CTNNA2: variants seen among roughly 807,000 people sequenced by gnomAD.
The protein encoded by CTNNA2 is catenin alpha-2.
Under a neutral mutation model 101.0 loss-of-function variants are expected in CTNNA2, and 42 were observed. The observed-to-expected ratio is 0.42, with a 90% CI of 0.32 to 0.54. The LOEUF (loss-of-function observed/expected upper bound fraction) is 0.54. Among genes scored for constraint, CTNNA2 ranks in the 20% least tolerant of loss-of-function variants. The pLI is 0.14. For missense variants in CTNNA2, 871 were observed against 1,223.1 expected, an observed-to-expected ratio of 0.71 and a Z score of 4.29; for synonymous variants, 450 against 456.4, an observed-to-expected ratio of 0.99 and a Z score of 0.18.
intron 3 of CTNNA2, among the ~76,000 whole-genome samples, chr2:79,848,732 T>A (rs1434115): frequency 0.076 from 11,520 of 152,230 alleles, 878 homozygotes; most frequent in African/African-American, 0.18. Context: ...ATAGGGCAAA[T>A]ATTACATTGG....
chr2:80,534,723 G>T (rs771657125), intron 9 of CTNNA2, among the ~76,000 whole-genome samples: 2 of 152,130 alleles, frequency 1.3e-5, no homozygotes, highest in Non-Finnish European at 2.9e-5. Context: ...ATGCAATGCT[G>T]GTAGCACTGG....
intron 2 of CTNNA2, among the ~76,000 whole-genome samples, chr2:79,210,245 A>G (rs1001720634): frequency 2.6e-5 from 4 of 152,198 alleles, no homozygotes; most frequent in African/African-American, 9.7e-5. Context: ...ATTTGCAAAT[A>G]GTAAGAGACT....
chr2:79,193,090 A>G lies in CTNNA2; in HGVS notation c.-523-4869A>G, dbSNP rs144856417. ...TTAGTACTGCTTTGTATAAGTTTAC[A>G]CTATATGTAAATATTATATATTCTT... On this transcript the variant is annotated intron_variant, in intron 1 of 21. Coordinates refer to the CTNNA2 transcript ENST00000466387. Among the ~76,000 whole-genome samples, 205 of 152,270 alleles carry G rather than the reference A, an allele frequency of 1.3e-3. 4 individuals carry two copies. The East Asian group carries it at 0.039, about 29-fold the overall frequency.
chr2:79,687,768 T>G, intron 2 of CTNNA2: 1 of 479,492 alleles, frequency 2.1e-6, no homozygotes, highest in Non-Finnish European at 3.7e-6. Context: ...GAAAATTAAC[T>G]GAAGATGTTC....
Position 80,142,921 on chromosome 2 carries a change from C to T in CTNNA2, c.1056+233124C>T, listed in dbSNP as rs562723672. Among the ~76,000 whole-genome samples, 24 of 150,302 alleles carry T rather than the reference C, an allele frequency of 1.6e-4. No individual in the cohort carries two copies. The South Asian group carries it at 1.7e-3, about 10-fold the overall frequency. On this transcript the variant is annotated intron_variant, in intron 7 of 18. Coordinates refer to ENST00000402739, the MANE Select transcript of CTNNA2 (RefSeq NM_001282597.3). The stretch of plus-strand genomic sequence containing the variant: ...CAAGATTAACTACCGTTGACAATGC[C>T]TCATAATGATAAGTGGAAAAGAGAG...
intron 1 of CTNNA2, among the ~76,000 whole-genome samples, chr2:79,537,774 CAT>C (rs1673160976): frequency 1.4e-5 from 2 of 144,730 alleles, no homozygotes; most frequent in Admixed American, 7.1e-5. Context: ...TTGTTTAGCA[CAT>C]GTTTCTTGAA....
chr2:80,274,462 A>G (rs1294791265), intron 7 of CTNNA2, among the ~76,000 whole-genome samples: 4 of 152,208 alleles, frequency 2.6e-5, no homozygotes, highest in African/African-American at 4.8e-5. Context: ...TACACAGTGT[A>G]TTATGACAAC....
intron 4 of CTNNA2, among the ~76,000 whole-genome samples, chr2:79,488,318 CAAAA>C (rs61641596): frequency 3.0e-5 from 3 of 99,874 alleles, no homozygotes; most frequent in East Asian, 3.9e-4. Context: ...AACTCCATCT[CAAAA>C]AAAAAAAAAA....
chr2:80,001,653 G>A (rs969107904), intron 7 of CTNNA2, among the ~76,000 whole-genome samples: 2 of 152,134 alleles, frequency 1.3e-5, no homozygotes, highest in African/African-American at 2.4e-5. Flanking sequence ...TGCAAAGGGA[G>A]AGAGAAGAAC....
Position 80,302,010 on chromosome 2 carries a change from GAAATTT to G in CTNNA2, c.1057-91198_1057-91193del. 1 of 437,834 alleles carries G rather than the reference GAAATTT, an allele frequency of 2.3e-6. No individual in the cohort carries two copies. Among genetic ancestry groups the G allele is most frequent in the East Asian group, 3.6e-5 (1 of 27,440 alleles). The allele number at this position is 437,834 out of a possible 1,614,324, so 27.1% of individuals were successfully genotyped here. The stretch of plus-strand genomic sequence containing the variant: ...CAAAGGGAGGAAGGAGTTCTCATAT[GAAATTT>G]AAGATAGACTGTCCTGAAGGTTGTG... On this transcript the variant is annotated intron_variant, in intron 7 of 18. Coordinates refer to ENST00000402739, the MANE Select transcript of CTNNA2 (RefSeq NM_001282597.3). This position sits in a 1 kb window ranked among gnomAD's most constrained non-coding sequence, Gnocchi z 6.4.
intron 2 of CTNNA2, among the ~76,000 whole-genome samples, chr2:79,239,862 G>A (rs1009859536): frequency 7.2e-5 from 11 of 151,854 alleles, no homozygotes; most frequent in African/African-American, 1.9e-4. Context: ...TGTTTAGGGC[G>A]AAAGAAAGAA....
chr2:79,916,358 G>A (rs1359670254), intron 7 of CTNNA2, among the ~76,000 whole-genome samples: 1 of 151,902 alleles, frequency 6.6e-6, no homozygotes, highest in Non-Finnish European at 1.5e-5. Flanking sequence ...GGTTTTCCTT[G>A]CGTTTTTCTT....
At chr2:79,282,142 G>T (rs1245490414) in intron 2 of CTNNA2, among the ~76,000 whole-genome samples, 1 of 152,092 alleles carries the variant, frequency 6.6e-6, no homozygotes, top group African/African-American at 2.4e-5. Flanking sequence ...GAGAAAAACA[G>T]GGTTGAGAAA....
intron 3 of CTNNA2, among the ~76,000 whole-genome samples, chr2:79,840,581 A>C (rs1455335613): frequency 6.6e-6 from 1 of 152,160 alleles, no homozygotes; most frequent in East Asian, 1.9e-4. Flanking sequence ...CTTACCTTTA[A>C]AATGAGCCTA....
At chr2:79,923,548 A>G (rs1045902925) in intron 7 of CTNNA2, among the ~76,000 whole-genome samples, 6 of 152,204 alleles carry the variant, frequency 3.9e-5, no homozygotes, top group Non-Finnish European at 7.4e-5. Context: ...ACTAATTAAC[A>G]TATCAATCAC....
chr2:80,112,065 G>A lies in CTNNA2; in HGVS notation c.1056+202268G>A, dbSNP rs1023305796. ...AGGGTAGATACAATATAAAAATTTA[G>A]TAAACTGTTTATAACAAGAAATAAA... On this transcript the variant is annotated intron_variant, in intron 7 of 18. Transcript: ENST00000402739. Among the ~76,000 whole-genome samples the A allele has an allele frequency of 1.1e-4, 17 of 152,022 alleles. 1 individual carries two copies. Among genetic ancestry groups the A allele is most frequent in the Admixed American group, 5.2e-4 (8 of 15,266 alleles).
At chr2:79,574,985 A>G (rs182364358) in intron 1 of CTNNA2, among the ~76,000 whole-genome samples, 2 of 152,034 alleles carry the variant, frequency 1.3e-5, no homozygotes, top group East Asian at 3.9e-4. Flanking sequence ...GAATTTTTTC[A>G]TATGCTTGTT....
At chr2:80,072,390 C>A (rs1312186087) in intron 7 of CTNNA2, among the ~76,000 whole-genome samples, 1 of 151,920 alleles carries the variant, frequency 6.6e-6, no homozygotes, top group Non-Finnish European at 1.5e-5. Context: ...GTGCTCAACT[C>A]TCTCTCCTGA....
intron 7 of CTNNA2, among the ~76,000 whole-genome samples, chr2:80,130,250 A>G (rs1702343137): frequency 1.3e-5 from 2 of 152,224 alleles, no homozygotes; most frequent in Admixed American, 6.5e-5. Flanking sequence ...ATTATGTTAC[A>G]TAGAGATCAG....
Sources: gnomAD v4.1 joint callset for allele counts (sites outside exome capture counted in the v4.1 genomes callset) on GRCh38, gnomAD v4.1.1 for gene constraint, Gnocchi (gnomAD v3.1) non-coding constraint, MANE v1.5 for transcripts, NCBI Gene and HGNC (gene_info 2026-07-23, HGNC 2026-07-21) for gene names.